Variants in TENM2 observed in about 807,000 individuals in gnomAD.
The protein encoded by TENM2 is teneurin transmembrane protein 2.
A neutral mutation model predicts 245.2 loss-of-function variants in TENM2; 52 were observed. The ratio of observed to expected loss-of-function variants is 0.21; its 90% CI spans 0.17 to 0.27. The LOEUF (loss-of-function observed/expected upper bound fraction) is 0.27. TENM2 is among the 10% of genes least tolerant of loss of function. The pLI, the probability that TENM2 is intolerant of heterozygous loss-of-function variation, is 1.00. For synonymous variants in TENM2, 1,363 were observed against 1,438.9 expected, an observed-to-expected ratio of 0.95 and a Z score of 1.19; for missense variants, 3,046 against 3,666.8, an observed-to-expected ratio of 0.83 and a Z score of 4.37.
chr5:167,922,366 C>T (rs1777437032), intron 3 of TENM2, among the ~76,000 whole-genome samples: 1 of 151,376 alleles, frequency 6.6e-6, no homozygotes, highest in Admixed American at 6.6e-5. Context: ...CCTGCAGCTC[C>T]ATAGTCTCCC....
At chr5:167,658,523 C>T (rs1047707134) in intron 2 of TENM2, among the ~76,000 whole-genome samples, 4 of 152,050 alleles carry the variant, frequency 2.6e-5, no homozygotes, top group East Asian at 1.9e-4. Context: ...CAGTTCTGCC[C>T]TTATGACTTA....
At chr5:167,317,541 T>G (rs755746192) in intron 1 of TENM2, among the ~76,000 whole-genome samples, 1 of 152,182 alleles carries the variant, frequency 6.6e-6, no homozygotes, top group Non-Finnish European at 1.5e-5. Flanking sequence ...TTTTGTGTGT[T>G]GTGCTCAACG....
At chr5:167,124,997 A>T in the TENM2 span, among the ~76,000 whole-genome samples, 1 of 152,220 alleles carries the variant, frequency 6.6e-6, no homozygotes, top group Non-Finnish European at 1.5e-5. Flanking sequence ...GTATGTGTAC[A>T]GCCTCTAGAC....
chr5:167,877,312 A>G (rs1318388026), intron 3 of TENM2, among the ~76,000 whole-genome samples: 1 of 152,204 alleles, frequency 6.6e-6, no homozygotes. Flanking sequence ...CATTCTGGAA[A>G]TGGAATGATG....
chr5:167,180,754 A>G, the TENM2 span, among the ~76,000 whole-genome samples: 1 of 152,118 alleles, frequency 6.6e-6, no homozygotes, highest in South Asian at 2.1e-4. Flanking sequence ...TATGAGGAAG[A>G]GAAAATACAT....
intron 2 of TENM2, among the ~76,000 whole-genome samples, chr5:167,655,914 TG>T (rs1275499934): frequency 6.6e-6 from 1 of 152,178 alleles, no homozygotes; most frequent in East Asian, 1.9e-4. Context: ...CCTGTGCAGT[TG>T]TCTGTGCTCA....
chr5:167,252,497 A>G, the TENM2 span, among the ~76,000 whole-genome samples: 1 of 152,140 alleles, frequency 6.6e-6, no homozygotes, highest in East Asian at 1.9e-4. Context: ...TACCTTCATC[A>G]TGTGTCTTTG....
At chr5:167,561,383 G>A (rs777140216) in intron 2 of TENM2, among the ~76,000 whole-genome samples, 1 of 152,138 alleles carries the variant, frequency 6.6e-6, no homozygotes, top group Non-Finnish European at 1.5e-5. Flanking sequence ...TAACATTCTG[G>A]TTCCCCTATT....
At chr5:167,952,927 TG>T in intron 4 of TENM2, 105 bp downstream of exon 6, 1 of 909,988 alleles carries the variant, frequency 1.1e-6, no homozygotes, top group Non-Finnish European at 1.7e-6. Context: ...AGAGACCCTC[TG>T]GGTATAAATA....
chr5:167,727,295 GT>G (rs1158707631), intron 2 of TENM2, among the ~76,000 whole-genome samples: 1 of 151,958 alleles, frequency 6.6e-6, no homozygotes, highest in African/African-American at 2.4e-5. Flanking sequence ...TGTAATTTTA[GT>G]AGAGACGGGG....
intron 2 of TENM2, among the ~76,000 whole-genome samples, chr5:167,492,247 G>A (rs1229162529): frequency 6.6e-6 from 1 of 152,100 alleles, no homozygotes; most frequent in African/African-American, 2.4e-5. Context: ...AAGGGCACAG[G>A]CTTTGGACTA....
the TENM2 span, among the ~76,000 whole-genome samples, chr5:167,066,758 A>G: frequency 6.6e-6 from 1 of 152,162 alleles, no homozygotes; most frequent in South Asian, 2.1e-4. Context: ...AAAATGAGCC[A>G]CGTACATCCC....
At chr5:167,364,204 T>C (rs1759901752) in intron 1 of TENM2, among the ~76,000 whole-genome samples, 1 of 152,030 alleles carries the variant, frequency 6.6e-6, no homozygotes, top group African/African-American at 2.4e-5. Flanking sequence ...ATCATGAATT[T>C]ACAGAAATAG....
At chr5:167,313,600 A>C (rs905507384) in intron 1 of TENM2, among the ~76,000 whole-genome samples, 2 of 152,162 alleles carry the variant, frequency 1.3e-5, no homozygotes, top group African/African-American at 4.8e-5. Flanking sequence ...TATAGCATTT[A>C]TTATTAAGTC....
chr5:167,142,417 C>G, the TENM2 span, among the ~76,000 whole-genome samples: 73 of 152,038 alleles, frequency 4.8e-4, 1 homozygote, highest in Non-Finnish European at 1.0e-4. Context: ...CTACTTTATT[C>G]TACATCCTGC....
the TENM2 span, among the ~76,000 whole-genome samples, chr5:167,117,299 C>T: frequency 9.6e-4 from 146 of 152,234 alleles, no homozygotes; most frequent in African/African-American, 3.3e-3. Flanking sequence ...GTCAGGAGAT[C>T]GAGACCATCC....
intron 4 of TENM2, among the ~76,000 whole-genome samples, chr5:167,961,307 G>A (rs1780996786): frequency 6.6e-6 from 1 of 152,216 alleles, no homozygotes; most frequent in Admixed American, 6.5e-5. Flanking sequence ...TTTGCTGGAA[G>A]CTGACTGGCT....
intron 2 of TENM2, among the ~76,000 whole-genome samples, chr5:167,440,113 C>A (rs568551793): frequency 2.0e-5 from 3 of 152,050 alleles, no homozygotes; most frequent in Admixed American, 2.0e-4. Context: ...TCTATCCAGC[C>A]CTTTATATGT....
At chr5:167,252,942 A>G in the TENM2 span, among the ~76,000 whole-genome samples, 2 of 152,174 alleles carry the variant, frequency 1.3e-5, no homozygotes, top group East Asian at 1.9e-4. Context: ...GGAAGAAGTT[A>G]AATGAAGTAT....
Sources: allele counts gnomAD v4.1 joint callset (sites outside exome capture counted in the v4.1 genomes callset), GRCh38; gene constraint gnomAD v4.1.1; transcripts MANE v1.5; gene names NCBI Gene and HGNC (gene_info 2026-07-23, HGNC 2026-07-21).